Variants in TRIP11 observed in about 807,000 individuals in gnomAD.
The protein encoded by TRIP11 is thyroid hormone receptor interactor 11, also known as thyroid receptor-interacting protein 11.
Under a neutral mutation model 223.1 loss-of-function variants are expected in TRIP11, and 148 were observed. The ratio of observed to expected loss-of-function variants is 0.66; its 90% confidence interval spans 0.58 to 0.76. The LOEUF is 0.76. Ranked by LOEUF, TRIP11 falls within the 30% of genes least tolerant of loss-of-function variation. The pLI, the probability that TRIP11 is intolerant of heterozygous loss-of-function variation, is 0.00. For synonymous variants in TRIP11, 762 were observed against 772.6 expected (o/e 0.99, Z 0.23); for missense variants, 2,043 against 2,222.0 (o/e 0.92, Z 1.62).
chr14:92,009,387 G>C (rs534380513), intron 9 of TRIP11, among the ~76,000 whole-genome samples: 1 of 152,198 alleles, frequency 6.6e-6, no homozygotes, highest in East Asian at 1.9e-4. Flanking sequence ...TCAAGGAAGA[G>C]TTACAATGGA....
At position 91,972,789 on chromosome 14, in the gene TRIP11, C is replaced by T; in HGVS notation, c.5647G>A (p.Val1883Ile). 6.2e-7 allele frequency: 1 copy of T among 1,613,260 alleles called. No individual in the cohort carries two copies. Among genetic ancestry groups the T allele is most frequent in the Admixed American group, 1.7e-5 (1 of 59,986 alleles). The change falls in exon 20 of 21, where the codon GTT becomes ATT. Residue 1883 changes from valine to isoleucine, a missense_variant. Coordinates refer to ENST00000267622, the MANE Select transcript of TRIP11 (RefSeq NM_004239.4). ...HPSIPPPKLSVHDMKPLDSPG... is the reference protein window; with the variant it reads ...HPSIPPPKLSIHDMKPLDSPG... ...GAATCCAGAGGTTTCATATCATGAA[C>T]AGAAAGCTTTGGTGGTGGAATGGAT...
rs781285106 is a variant in TRIP11, at chr14:91,995,557, T to C, written c.4893-42A>G. On this transcript the variant is annotated intron_variant, in intron 13 of 20. Coordinates refer to ENST00000267622, the MANE Select transcript of TRIP11 (RefSeq NM_004239.4). ...TAAAAGTCAAACTGCTTCATCTATTTAGATACTTTAACAAGAAGAAGCCAC... is the reference window on the plus strand; with the variant it reads ...TAAAAGTCAAACTGCTTCATCTATTCAGATACTTTAACAAGAAGAAGCCAC... 5 of 1,609,194 alleles carry C rather than the reference T, an allele frequency of 3.1e-6. No homozygotes were observed. In the Admixed American group the frequency reaches 8.3e-5, roughly 27 times the overall value.
intron 4 of TRIP11, among the ~76,000 whole-genome samples, chr14:92,019,113 G>A (rs964030657): frequency 5.4e-4 from 82 of 150,982 alleles, no homozygotes; most frequent in African/African-American, 1.5e-3. Flanking sequence ...TTTTTATTAC[G>A]TCTTGCTAGA....
intron 13 of TRIP11, among the ~76,000 whole-genome samples, chr14:91,997,584 G>C (rs2056766817): frequency 6.6e-6 from 1 of 152,026 alleles, no homozygotes. Context: ...TTGAAGAATA[G>C]GCAAGATTCA....
At chr14:92,038,400 C>T (rs150344128) in intron 1 of TRIP11, among the ~76,000 whole-genome samples, 2 of 152,098 alleles carry the variant, frequency 1.3e-5, no homozygotes, top group South Asian at 4.1e-4. Context: ...TGCTTTCCCC[C>T]ACACATAAAG....
chr14:92,025,808 A>G (rs1452855165), intron 2 of TRIP11, among the ~76,000 whole-genome samples: 1 of 145,288 alleles, frequency 6.9e-6, no homozygotes, highest in Non-Finnish European at 1.5e-5. Flanking sequence ...TGAACCCGGG[A>G]GGCGGAGGTT....
Position 92,039,739 on chromosome 14 carries a change from C to T in TRIP11, c.-54G>A. Reference sequence around the variant, plus strand: ...CGCTCGGAAAAAAGAAAACGTTTAGCGCCGCCGGGCGATCCGACCAAATAT... The same window carrying T: ...CGCTCGGAAAAAAGAAAACGTTTAGTGCCGCCGGGCGATCCGACCAAATAT... On this transcript the variant is annotated 5_prime_UTR_variant, in exon 1 of 21. Coordinates refer to ENST00000267622, the MANE Select transcript of TRIP11 (RefSeq NM_004239.4). 3 of 1,571,974 alleles carry T rather than the reference C, an allele frequency of 1.9e-6. No homozygotes were observed. In the South Asian group the frequency reaches 3.5e-5, roughly 18 times the overall value.
At chr14:91,972,575 C>G (rs924153321) in intron 20 of TRIP11, 142 bp downstream of exon 20, 11 of 767,674 alleles carry the variant, frequency 1.4e-5, no homozygotes, top group Non-Finnish European at 6.1e-6. Flanking sequence ...ATTGGAAAAG[C>G]CTGATGCCTT....
Position 92,004,927 on chromosome 14 carries a change from C to T in TRIP11, c.3049G>A (p.Glu1017Lys), listed in dbSNP as rs1181250837. The part of the protein sequence containing the change: ...GSEKHDLSKA[E>K]TERLVKGIKE... Reference sequence around the variant, plus strand: ...ATTCCTTTCACTAATCTTTCCGTTTCAGCTTTAGATAAATCATGCTTTTCA... The same window carrying T: ...ATTCCTTTCACTAATCTTTCCGTTTTAGCTTTAGATAAATCATGCTTTTCA... The change falls in exon 11 of 21, where the codon GAA (glutamate) becomes AAA (lysine). Residue 1017 changes from glutamate to lysine, a missense_variant. Transcript: ENST00000267622. 2.3e-5 allele frequency: 37 copies of T among 1,613,912 alleles called. No individual in the cohort carries two copies. Among genetic ancestry groups the T allele is most frequent in the Non-Finnish European group, 3.1e-5 (36 of 1,179,976 alleles).
intron 2 of TRIP11, among the ~76,000 whole-genome samples, chr14:92,028,564 G>A (rs2057219160): frequency 6.6e-6 from 1 of 152,096 alleles, no homozygotes; most frequent in African/African-American, 2.4e-5. Context: ...AAAACAAAAA[G>A]AAAGGCTGAG....
At position 92,015,725 on chromosome 14, in the gene TRIP11, A is replaced by G. The variant is rs776976678; in HGVS notation, c.794T>C (p.Ile265Thr). 5.6e-6 allele frequency: 9 copies of G among 1,611,810 alleles called. No individual in the cohort carries two copies. In the East Asian group the frequency reaches 8.9e-5, roughly 16 times the overall value. Residue 265 changes from isoleucine to threonine, a missense_variant, in exon 6 of 21, where the codon ATT becomes ACT. Ile to Thr is a moderately conservative substitution (Grantham distance 89, BLOSUM62 -1). Coordinates refer to ENST00000267622, the MANE Select transcript of TRIP11 (RefSeq NM_004239.4). ...TTGTAACAGATTTTCAAGTTCTTCA[A>G]TTCGTTCTTCATAGTCACTTAATTC... ...REELSDYEERIEELENLLQQG... is the reference protein window; with the variant it reads ...REELSDYEERTEELENLLQQG...
chr14:92,009,590 G>GT (rs1382573812), intron 9 of TRIP11, among the ~76,000 whole-genome samples: 1 of 144,930 alleles, frequency 6.9e-6, no homozygotes, highest in African/African-American at 2.9e-5. Context: ...ATATAATATA[G>GT]TAATTTTTAA....
At chr14:91,977,269 T>G (rs563552137) in intron 16 of TRIP11, 51 of 452,442 alleles carry the variant, frequency 1.1e-4, no homozygotes, top group African/African-American at 1.0e-3. Flanking sequence ...ACAAAAGTTT[T>G]CAATTTTTAT....
At chr14:91,991,578 A>G (rs1291166188) in intron 15 of TRIP11, among the ~76,000 whole-genome samples, 1 of 152,204 alleles carries the variant, frequency 6.6e-6, no homozygotes, top group East Asian at 1.9e-4. Context: ...AGTTGACCAT[A>G]TATGTCCTAT....
At chr14:92,015,970 C>A in intron 5 of TRIP11, 109 bp from the exon 6 acceptor site, 2 of 1,075,240 alleles carry the variant, frequency 1.9e-6, no homozygotes, top group South Asian at 1.6e-5. Flanking sequence ...ATTCTCAGAA[C>A]ATGTTAAGGC....
At chr14:92,006,573 ATTGTTT>A in intron 10 of TRIP11, 125 bp from the exon 11 acceptor site, 1 of 1,089,002 alleles carries the variant, frequency 9.2e-7, no homozygotes, top group Non-Finnish European at 1.3e-6. Flanking sequence ...TCTTAAAAAC[ATTGTTT>A]TTCTATCAAA....
intron 16 of TRIP11, among the ~76,000 whole-genome samples, chr14:91,981,557 A>AT (rs987424819): frequency 2.7e-5 from 4 of 150,336 alleles, no homozygotes; most frequent in African/African-American, 9.8e-5. Flanking sequence ...CACCTGGCCA[A>AT]TTTTTTTGTA....
rs146398509 is a variant in TRIP11, at chr14:92,004,501, T to C, written c.3475A>G (p.Ile1159Val). 1.5e-5 allele frequency: 25 copies of C among 1,613,216 alleles called. No individual in the cohort carries two copies. The African/African-American group carries it at 3.1e-4, about 20-fold the overall frequency. ...CGAATGATACGTGATAAATTCTGAA[T>C]AGTTTCTCTAAACATATCTTGGCCA... ...SSGQDMFRET[I>V]QNLSRIIREK... Residue 1159 changes from isoleucine (I) to valine (V), a missense_variant, in exon 11 of 21, where the codon ATT becomes GTT. Coordinates refer to ENST00000267622, the MANE Select transcript of TRIP11 (RefSeq NM_004239.4).
chr14:92,025,180 A>C, intron 3 of TRIP11, 130 bp downstream of exon 3: 2 of 734,012 alleles, frequency 2.7e-6, no homozygotes, highest in Non-Finnish European at 4.5e-6. Context: ...ACTGAGTCGA[A>C]AATCATTAAA....
Sources: gnomAD v4.1 joint callset for allele counts (sites outside exome capture counted in the v4.1 genomes callset) on GRCh38, gnomAD v4.1.1 for gene constraint, MANE v1.5 for transcripts, NCBI Gene and HGNC (gene_info 2026-07-23, HGNC 2026-07-21) for gene names.